Variants in USP49 observed in about 807,000 individuals in gnomAD.
The protein encoded by USP49 is ubiquitin specific peptidase 49.
A neutral mutation model predicts 58.6 loss-of-function variants in USP49; 24 were observed. That is an observed-to-expected ratio of 0.41 (90% CI 0.30 to 0.58). The LOEUF is 0.58. Ranked by LOEUF, USP49 falls within the 20% of genes least tolerant of loss-of-function variation. USP49 has a pLI of 0.30. For missense variants in USP49, 703 were observed against 866.1 expected, an observed-to-expected ratio of 0.81 and a Z score of 2.36; for synonymous variants, 408 against 365.1, an observed-to-expected ratio of 1.12 and a Z score of -1.34.
At chr6:41,860,652 C>T (rs1178168851) in intron 3 of USP49, among the ~76,000 whole-genome samples, 2 of 148,528 alleles carry the variant, frequency 1.3e-5, no homozygotes, top group Admixed American at 6.7e-5. Context: ...GGACTACAGG[C>T]GTGCACCATC....
At chr6:41,802,595 A>G (rs1773040304) in intron 5 of USP49, among the ~76,000 whole-genome samples, 1 of 142,278 alleles carries the variant, frequency 7.0e-6, no homozygotes, top group African/African-American at 2.5e-5. Flanking sequence ...CACCTGGCCT[A>G]AGATTTTTTT....
chr6:41,840,896 T>C (rs1773814451), intron 3 of USP49, among the ~76,000 whole-genome samples: 1 of 152,186 alleles, frequency 6.6e-6, no homozygotes, highest in Admixed American at 6.5e-5. Flanking sequence ...TGCATACCTG[T>C]AGTCCTAGCT....
intron 3 of USP49, among the ~76,000 whole-genome samples, chr6:41,853,999 C>CAAAAAAAA (rs752353657): frequency 5.1e-5 from 3 of 58,858 alleles, no homozygotes; most frequent in Non-Finnish European, 5.7e-5. Flanking sequence ...GACTCTGTCT[C>CAAAAAAAA]GAAAAAAAAA....
At chr6:41,834,021 ACAC>A (rs1310127563) in intron 3 of USP49, among the ~76,000 whole-genome samples, 8 of 152,250 alleles carry the variant, frequency 5.3e-5, no homozygotes, top group African/African-American at 1.9e-4. Flanking sequence ...TTTCACCTGT[ACAC>A]ATATTTGAAT....
chr6:41,881,019 G>A (rs1774594392), intron 2 of USP49, among the ~76,000 whole-genome samples: 1 of 151,998 alleles, frequency 6.6e-6, no homozygotes, highest in Admixed American at 6.6e-5. Context: ...TGCAACCTCT[G>A]TCTTCCGGAT....
intron 3 of USP49, among the ~76,000 whole-genome samples, chr6:41,828,308 C>T (rs1773577149): frequency 6.6e-6 from 1 of 151,914 alleles, no homozygotes; most frequent in Non-Finnish European, 1.5e-5. Flanking sequence ...AATTAGCCAG[C>T]CATGGTGGTA....
Position 41,796,447 on chromosome 6 carries a change from G to A in USP49, c.*86C>T. 1 of 655,886 alleles carries A rather than the reference G, an allele frequency of 1.5e-6. No homozygotes were observed. Among genetic ancestry groups the A allele is most frequent in the Non-Finnish European group, 2.8e-6 (1 of 355,344 alleles). 40.6% of individuals were successfully genotyped at this position (655,886 alleles called of 1,614,324 possible). On this transcript the variant is annotated 3_prime_UTR_variant, in exon 8 of 8. Transcript: ENST00000682992. ...CCCAGCAAGGCAAACCTAGTAATCT[G>A]TTCCTGCAGTAGCCTTATTTCCTAT...
intron 3 of USP49, among the ~76,000 whole-genome samples, chr6:41,863,586 C>A (rs146004667): frequency 6.6e-6 from 1 of 152,204 alleles, no homozygotes; most frequent in Non-Finnish European, 1.5e-5. Context: ...AACAGCTAGG[C>A]ACTGTATAAG....
At chr6:41,810,138 CAA>C (rs1296454121) in intron 3 of USP49, among the ~76,000 whole-genome samples, 1 of 150,316 alleles carries the variant, frequency 6.7e-6, no homozygotes, top group Non-Finnish European at 1.5e-5. Flanking sequence ...GGCGACAGAG[CAA>C]GACTCCGTCT....
rs182256853 is a variant in USP49 at position 41,815,887 on chromosome 6, C to T, written c.-28-8876G>A. Reference sequence around the variant, plus strand: ...AGGTTACAGCAGATGTAAGGTTATGCCAGCATGATAATAGCTCACTTGCAT... The same window carrying T: ...AGGTTACAGCAGATGTAAGGTTATGTCAGCATGATAATAGCTCACTTGCAT... On this transcript the variant is annotated intron_variant, in intron 3 of 7. Transcript: ENST00000682992. 2.6e-5 allele frequency among the ~76,000 whole-genome samples: 4 copies of T among 152,282 alleles called. No homozygotes were observed. In the East Asian group the frequency reaches 7.7e-4, roughly 29 times the overall value.
chr6:41,828,571 G>A (rs1773582323), intron 3 of USP49, among the ~76,000 whole-genome samples: 1 of 152,238 alleles, frequency 6.6e-6, no homozygotes, highest in South Asian at 2.1e-4. Context: ...TGATTAGGCT[G>A]TTTTATATTT....
intron 3 of USP49, among the ~76,000 whole-genome samples, chr6:41,857,713 T>C (rs1314874749): frequency 6.6e-6 from 1 of 152,198 alleles, no homozygotes; most frequent in East Asian, 1.9e-4. Flanking sequence ...CACCCAAGAT[T>C]ATGGCATGCC....
At chr6:41,857,036 T>C (rs1774143793) in intron 3 of USP49, among the ~76,000 whole-genome samples, 1 of 152,172 alleles carries the variant, frequency 6.6e-6, no homozygotes, top group Non-Finnish European at 1.5e-5. Context: ...CTATTGTTCA[T>C]GGAGTTTCCA....
intron 2 of USP49, among the ~76,000 whole-genome samples, chr6:41,885,349 T>C (rs1304429524): frequency 6.6e-6 from 1 of 152,222 alleles, no homozygotes; most frequent in Non-Finnish European, 1.5e-5. Context: ...CACCCCTTTT[T>C]AGATGTCTCC....
chr6:41,882,403 G>A (rs865921789), intron 2 of USP49, among the ~76,000 whole-genome samples: 2 of 152,104 alleles, frequency 1.3e-5, no homozygotes, highest in Admixed American at 6.6e-5. Flanking sequence ...GGATGGTATT[G>A]GGAAATAAAA....
chr6:41,848,039 C>T (rs756737287), intron 3 of USP49, among the ~76,000 whole-genome samples: 1 of 152,068 alleles, frequency 6.6e-6, no homozygotes, highest in African/African-American at 2.4e-5. Context: ...AAAAGAAAAT[C>T]GATTCATCAC....
chr6:41,887,109 G>A, intron 2 of USP49, among the ~76,000 whole-genome samples: 1 of 152,160 alleles, frequency 6.6e-6, no homozygotes, highest in East Asian at 1.9e-4. Flanking sequence ...GAAAGAGCAG[G>A]AGGCAGGAAA....
chr6:41,852,514 T>C (rs1432015751), intron 3 of USP49, among the ~76,000 whole-genome samples: 4 of 152,262 alleles, frequency 2.6e-5, no homozygotes, highest in African/African-American at 9.6e-5. Context: ...CACTTAGGAA[T>C]AAAACTGAGC....
intron 6 of USP49, among the ~76,000 whole-genome samples, chr6:41,799,338 C>T (rs566920541): frequency 1.3e-5 from 2 of 152,212 alleles, no homozygotes; most frequent in South Asian, 4.1e-4. Flanking sequence ...AACTCCTGAG[C>T]TCAAGCAATC....
Sources: gnomAD v4.1 joint callset for allele counts (sites outside exome capture counted in the v4.1 genomes callset) on GRCh38, gnomAD v4.1.1 for gene constraint, MANE v1.5 for transcripts, NCBI Gene and HGNC (gene_info 2026-07-23, HGNC 2026-07-21) for gene names.